LRMDA: variants seen among roughly 807,000 people sequenced by gnomAD.
The protein encoded by LRMDA is leucine-rich melanocyte differentiation-associated protein.
LRMDA carries 18 observed loss-of-function variants against 29.8 expected under a neutral mutation model. That is an observed-to-expected ratio of 0.60 (90% CI 0.42 to 0.90). The LOEUF is 0.90. Ranked by LOEUF, LRMDA falls within the 40% of genes least tolerant of loss-of-function variation. The probability of loss-of-function intolerance (pLI) is 0.00; values close to 1 mark genes in which losing one functional copy is unlikely to be tolerated. For missense variants in LRMDA, 273 were observed against 273.9 expected (o/e 1.00, Z 0.02); for synonymous variants, 125 against 109.4 (o/e 1.14, Z -0.89).
chr10:75,490,006 GGTAA>G (rs1844964952), intron 2 of LRMDA, among the ~76,000 whole-genome samples: 1 of 152,138 alleles, frequency 6.6e-6, no homozygotes, highest in Non-Finnish European at 1.5e-5. Flanking sequence ...TGGTGGTAAT[GGTAA>G]GTAATAATGA....
intron 2 of LRMDA, among the ~76,000 whole-genome samples, chr10:75,865,582 A>G (rs1020818473): frequency 3.3e-5 from 5 of 152,202 alleles, no homozygotes; most frequent in African/African-American, 1.2e-4. Context: ...TTACCATACC[A>G]GTTCTTCTGA....
At chr10:76,415,637 G>T (rs548043438) in intron 6 of LRMDA, among the ~76,000 whole-genome samples, 76 of 152,122 alleles carry the variant, frequency 5.0e-4, no homozygotes, top group Non-Finnish European at 7.5e-4. Flanking sequence ...TGTGTATACA[G>T]ATTTTTCTGG....
In LRMDA at chr10:75,608,592, T is replaced by G. The variant is rs549383759; in HGVS notation, c.131+170098T>G. Among the ~76,000 whole-genome samples the G allele has an allele frequency of 8.5e-5, 13 of 152,310 alleles. No homozygotes were observed. In the South Asian group the frequency reaches 2.7e-3, roughly 32 times the overall value. On this transcript the variant is annotated intron_variant, in intron 2 of 6. Coordinates refer to ENST00000611255, the MANE Select transcript of LRMDA (RefSeq NM_001305581.2). Reference sequence around the variant, plus strand: ...GTACATGTATATTAAAGCATCATGTTGTATACCTTAAATATATATAAATTG... The same window carrying G: ...GTACATGTATATTAAAGCATCATGTGGTATACCTTAAATATATATAAATTG...
intron 6 of LRMDA, among the ~76,000 whole-genome samples, chr10:76,455,603 C>A (rs903829864): frequency 1.3e-5 from 2 of 152,152 alleles, no homozygotes; most frequent in African/African-American, 2.4e-5. Context: ...GTCTGTTCTC[C>A]TTGTGGTCAC....
chr10:75,578,810 A>G (rs1296618508), intron 2 of LRMDA, among the ~76,000 whole-genome samples: 1 of 149,082 alleles, frequency 6.7e-6, no homozygotes, highest in African/African-American at 2.4e-5. Flanking sequence ...GATGAAATGA[A>G]GGCAGAAATA....
At chr10:76,050,619 A>G (rs1848514854) in intron 4 of LRMDA, among the ~76,000 whole-genome samples, 1 of 152,178 alleles carries the variant, frequency 6.6e-6, no homozygotes, top group South Asian at 2.1e-4. Flanking sequence ...GAATGTGATA[A>G]TCAGCAGCCT....
chr10:76,559,244 T>TTTTC lies in LRMDA; in HGVS notation c.*1959_*1962dup, dbSNP rs1843596004. ...GACCACAGAATTTTTCCATCTTTAT[T>TTTTC]TTTCTTACTTGTTTACTTTTTTTAA... On this transcript the variant is annotated 3_prime_UTR_variant, in exon 7 of 7. Coordinates refer to ENST00000611255, the MANE Select transcript of LRMDA (RefSeq NM_001305581.2). 6.6e-6 allele frequency: 1 copy of TTTTC among 152,184 alleles called. No homozygotes were observed. Among genetic ancestry groups the TTTTC allele is most frequent in the South Asian group, 2.1e-4 (1 of 4,830 alleles). 9.4% of individuals were successfully genotyped at this position (152,184 alleles called of 1,614,324 possible). A position where few individuals can be genotyped will look rare whatever the true frequency, so the allele number is the denominator to read the frequency against.
At chr10:76,471,229 AT>A (rs1335110131) in intron 6 of LRMDA, among the ~76,000 whole-genome samples, 2 of 151,758 alleles carry the variant, frequency 1.3e-5, no homozygotes, top group African/African-American at 4.8e-5. Context: ...TAGACATAAA[AT>A]TATATAAATA....
rs192168113 is a variant in LRMDA at position 76,187,598 on chromosome 10, C to G, written c.516+128815C>G. ...TACCTCATGGAGTTGTTAAGAAGAT[C>G]AAATAGAGTAATTCTGGGAATATGC... On this transcript the variant is annotated intron_variant, in intron 5 of 6. Coordinates refer to ENST00000611255, the MANE Select transcript of LRMDA (RefSeq NM_001305581.2). 1.5e-4 allele frequency among the ~76,000 whole-genome samples: 23 copies of G among 152,258 alleles called. No homozygotes were observed. The East Asian group carries it at 4.4e-3, about 29-fold the overall frequency.
At chr10:76,324,853 AT>A (rs1483568475) in intron 6 of LRMDA, among the ~76,000 whole-genome samples, 2 of 152,246 alleles carry the variant, frequency 1.3e-5, no homozygotes, top group Admixed American at 6.5e-5. Context: ...GAATATAACA[AT>A]TAACAGCTAT....
At chr10:76,363,637 C>G (rs1441601507) in intron 6 of LRMDA, among the ~76,000 whole-genome samples, 2 of 152,070 alleles carry the variant, frequency 1.3e-5, no homozygotes, top group African/African-American at 4.8e-5. Context: ...TACTCTTTCT[C>G]TGCCTTCCTT....
At chr10:76,023,565 A>G (rs758570198) in intron 2 of LRMDA, among the ~76,000 whole-genome samples, 2 of 152,196 alleles carry the variant, frequency 1.3e-5, no homozygotes, top group Non-Finnish European at 2.9e-5. Flanking sequence ...GGTGCATGGG[A>G]TGTTTAAAAA....
intron 2 of LRMDA, among the ~76,000 whole-genome samples, chr10:75,723,297 A>G (rs945271217): frequency 1.3e-5 from 2 of 152,242 alleles, no homozygotes; most frequent in Non-Finnish European, 2.9e-5. Flanking sequence ...GGGGACATTT[A>G]ACCCAGGCTG....
intron 2 of LRMDA, among the ~76,000 whole-genome samples, chr10:75,902,855 C>G (rs1219025615): frequency 6.6e-6 from 1 of 152,198 alleles, no homozygotes; most frequent in African/African-American, 2.4e-5. Flanking sequence ...GTTCCCCCGA[C>G]AACCCCCCGT....
chr10:75,989,864 C>T (rs1192514082), intron 2 of LRMDA, among the ~76,000 whole-genome samples: 1 of 152,140 alleles, frequency 6.6e-6, no homozygotes, highest in Admixed American at 6.5e-5. Context: ...TTCTAGAATT[C>T]TAGGGCAGCT....
In LRMDA at chr10:75,574,530, T is replaced by C. The variant is rs758141435; in HGVS notation, c.131+136036T>C. On this transcript the variant is annotated intron_variant, in intron 2 of 6. Coordinates refer to ENST00000611255, the MANE Select transcript of LRMDA (RefSeq NM_001305581.2). ...GGCCTGTTGGTCAGTCACTCATGTT[T>C]TAAAACTCCCCACTGCTTTGGCATC... is the stretch of plus-strand genomic sequence containing the variant. Among the ~76,000 whole-genome samples the C allele has an allele frequency of 4.5e-4, 69 of 152,342 alleles. 1 individual carries two copies. Among genetic ancestry groups the C allele is most frequent in the Non-Finnish European group, 8.1e-4 (55 of 68,036 alleles).
At position 76,384,665 on chromosome 10, in the gene LRMDA, C is replaced by G. The variant is rs138271623; in HGVS notation, c.601+60180C>G. On this transcript the variant is annotated intron_variant, in intron 6 of 6. Transcript: ENST00000611255. ...AGGAAGGTTTCCACAACTCTGTGAG[C>G]TCCCATTTGTCCCCTGAGCTGTTCT... Among the ~76,000 whole-genome samples, 14 of 152,326 alleles carry G rather than the reference C, an allele frequency of 9.2e-5. No homozygotes were observed. The East Asian group carries it at 2.7e-3, about 29-fold the overall frequency.
At chr10:76,325,606 G>C (rs925344151) in intron 6 of LRMDA, among the ~76,000 whole-genome samples, 4 of 152,064 alleles carry the variant, frequency 2.6e-5, no homozygotes. Flanking sequence ...CATCTAGATG[G>C]AGCAACAAAT....
At chr10:76,214,746 T>G (rs1851699312) in intron 5 of LRMDA, among the ~76,000 whole-genome samples, 1 of 152,214 alleles carries the variant, frequency 6.6e-6, no homozygotes, top group Admixed American at 6.5e-5. Context: ...GAACAAGCCT[T>G]ATATCCTCAT....
Sources: gnomAD v4.1 joint callset for allele counts (sites outside exome capture counted in the v4.1 genomes callset) on GRCh38, gnomAD v4.1.1 for gene constraint, MANE v1.5 for transcripts, NCBI Gene and HGNC (gene_info 2026-07-23, HGNC 2026-07-21) for gene names.